Variants in DYNC2H1 observed in about 807,000 individuals in gnomAD.
DYNC2H1 encodes cytoplasmic dynein 2 heavy chain 1.
Under a neutral mutation model 570.0 loss-of-function variants are expected in DYNC2H1, and 410 were observed. That is an observed-to-expected ratio of 0.72 (90% CI 0.66 to 0.78). The LOEUF (loss-of-function observed/expected upper bound fraction) is 0.78, where lower values mean the gene tolerates loss of function less well. Ranked by LOEUF, DYNC2H1 falls within the 30% of genes least tolerant of loss-of-function variation. DYNC2H1 has a pLI of 0.00. For missense variants in DYNC2H1, 4,865 were observed against 5,046.4 expected (o/e 0.96, Z 1.09); for synonymous variants, 1,688 against 1,677.6 (o/e 1.01, Z -0.15).
chr11:103,475,716 A>T (rs1945528229), intron 88 of DYNC2H1, among the ~76,000 whole-genome samples: 1 of 152,178 alleles, frequency 6.6e-6, no homozygotes, highest in Non-Finnish European at 1.5e-5. Context: ...AACAAAGCCT[A>T]CAACTAAAAG....
chr11:103,309,919 A>C lies in DYNC2H1; in HGVS notation c.11494-1959A>C, dbSNP rs1203300088. Among the ~76,000 whole-genome samples, 7 of 152,196 alleles carry C rather than the reference A, an allele frequency of 4.6e-5. No individual in the cohort carries two copies. The East Asian group carries it at 1.3e-3, about 29-fold the overall frequency. The stretch of plus-strand genomic sequence containing the variant: ...TAAGAGGTAATTTGATTATATTTTT[A>C]TGGGAATTTCCAATTTGATTTCAAT... On this transcript the variant is annotated intron_variant, in intron 78 of 88. Transcript: ENST00000375735.
chr11:103,113,579 A>T lies in DYNC2H1; in HGVS notation c.238A>T (p.Lys80Ter). The part of the protein sequence containing the change: ...DTKDKVLVFF[K>*]LRPEVITDEN... ...AAAAGATAAAGTGCTGGTGTTTTTC[A>T]AGCTGCGACCTGAAGTAATTACTGA... Residue 80 changes from lysine to a stop codon, truncating the protein, a stop_gained, in exon 2 of 89, where the codon AAG (lysine) becomes TAG (stop). Transcript: ENST00000375735. LOFTEE classifies it high-confidence loss of function. 1 of 1,579,640 alleles carries T rather than the reference A, an allele frequency of 6.3e-7. No individual in the cohort carries two copies.
chr11:103,282,872 T>A (rs1866195363), intron 72 of DYNC2H1, 136 bp from the exon 73 acceptor site: 1 of 642,434 alleles, frequency 1.6e-6, no homozygotes, highest in Admixed American at 3.3e-5. Flanking sequence ...TGGTGACTTG[T>A]AAAATACATA....
chr11:103,163,244 T>A lies in DYNC2H1; in HGVS notation c.4611+97T>A. On this transcript the variant is annotated intron_variant, in intron 30 of 88. Coordinates refer to ENST00000375735, the MANE Select transcript of DYNC2H1 (RefSeq NM_001377.3). This position sits in a 1 kb window ranked among gnomAD's most constrained non-coding sequence, Gnocchi z 4.6. ...GCTCAGATAAATCGCATCTGTTTTC[T>A]CCCTTTATCTAACAGTTAACGGACA... 7.3e-7 allele frequency: 1 copy of A among 1,361,676 alleles called. No individual in the cohort carries two copies. Among genetic ancestry groups the A allele is most frequent in the East Asian group, 2.5e-5 (1 of 40,474 alleles). The allele number at this position is 1,361,676 out of a possible 1,614,324, so 84.3% of individuals were successfully genotyped here.
At chr11:103,469,770 C>G (rs1452072373) in intron 88 of DYNC2H1, among the ~76,000 whole-genome samples, 1 of 152,108 alleles carries the variant, frequency 6.6e-6, no homozygotes, top group African/African-American at 2.4e-5. Context: ...TTACTTCAAT[C>G]TTGCTGTTAA....
intron 80 of DYNC2H1, among the ~76,000 whole-genome samples, chr11:103,317,507 T>C (rs886455259): frequency 5.3e-5 from 8 of 152,200 alleles, no homozygotes; most frequent in African/African-American, 1.9e-4. Flanking sequence ...TCTTCCACTT[T>C]AGCACCCTTG....
chr11:103,438,120 C>T (rs565677036), intron 85 of DYNC2H1, among the ~76,000 whole-genome samples: 1 of 152,194 alleles, frequency 6.6e-6, no homozygotes, highest in Non-Finnish European at 1.5e-5. Context: ...CCATAGCTTA[C>T]CTTTCATCCT....
At chr11:103,327,146 G>A (rs1938540698) in intron 82 of DYNC2H1, among the ~76,000 whole-genome samples, 1 of 151,970 alleles carries the variant, frequency 6.6e-6, no homozygotes, top group Non-Finnish European at 1.5e-5. Flanking sequence ...TTCACCCTGA[G>A]CATCAGCGTC....
chr11:103,190,957 A>C (rs1325035303), intron 45 of DYNC2H1, among the ~76,000 whole-genome samples: 1 of 119,796 alleles, frequency 8.3e-6, no homozygotes, highest in African/African-American at 3.2e-5. Flanking sequence ...AGGGCTTTTT[A>C]GCCTTTTTTT....
At chr11:103,115,653 C>G (rs1354769588) in intron 4 of DYNC2H1, among the ~76,000 whole-genome samples, 1 of 151,982 alleles carries the variant, frequency 6.6e-6, no homozygotes, top group Non-Finnish European at 1.5e-5. Flanking sequence ...CAAAAATTAG[C>G]TGGGCGTGGT....
At chr11:103,352,312 T>C (rs1441805692) in intron 82 of DYNC2H1, among the ~76,000 whole-genome samples, 2 of 152,124 alleles carry the variant, frequency 1.3e-5, no homozygotes, top group Non-Finnish European at 2.9e-5. Flanking sequence ...CTGTGTAATT[T>C]ATAAGTTTTA....
intron 82 of DYNC2H1, among the ~76,000 whole-genome samples, chr11:103,340,387 T>C (rs1939385039): frequency 7.6e-6 from 1 of 131,864 alleles, no homozygotes; most frequent in South Asian, 2.8e-4. Flanking sequence ...ATTTTGACAT[T>C]GAGAAAATCT....
At chr11:103,468,247 G>T in intron 87 of DYNC2H1, 1 of 158,744 alleles carries the variant, frequency 6.3e-6, no homozygotes, top group Non-Finnish European at 1.4e-5. Context: ...CTCTAATTAT[G>T]CTTTTCTCCC....
At position 103,120,449 on chromosome 11, in the gene DYNC2H1, C is replaced by A; in HGVS notation, c.1002C>A (p.Val334=). The change falls in exon 7 of 89, where the codon GTC becomes GTA. Residue 334 remains valine (V), a splice_region_variant and synonymous_variant. Transcript: ENST00000375735. ...LDKLGKRLEE[V]LAIRTIHEKF... ...GTTGTTTTAATACTTCATTTTAGGTCTTGGCTATTAGAACAATTCATGAGA... is the reference window on the plus strand; with the variant it reads ...GTTGTTTTAATACTTCATTTTAGGTATTGGCTATTAGAACAATTCATGAGA... 1.2e-6 allele frequency: 2 copies of A among 1,604,180 alleles called. No homozygotes were observed. Among genetic ancestry groups the A allele is most frequent in the South Asian group, 2.2e-5 (2 of 88,892 alleles).
At chr11:103,115,552 C>G (rs2134690833) in intron 4 of DYNC2H1, among the ~76,000 whole-genome samples, 1 of 152,274 alleles carries the variant, frequency 6.6e-6, no homozygotes, top group African/African-American at 2.4e-5. Flanking sequence ...AATCCCAGCA[C>G]TTTGGGAGGC....
intron 84 of DYNC2H1, among the ~76,000 whole-genome samples, chr11:103,421,133 G>C (rs1213473892): frequency 6.6e-6 from 1 of 151,962 alleles, no homozygotes; most frequent in Non-Finnish European, 1.5e-5. Context: ...AGACAAAGAA[G>C]GACATTACAT....
At chr11:103,121,541 G>C in intron 10 of DYNC2H1, 45 bp downstream of exon 10, 1 of 1,586,170 alleles carries the variant, frequency 6.3e-7, no homozygotes, top group Non-Finnish European at 8.6e-7. Context: ...TATAAAATCT[G>C]CTAAATTAAG....
intron 65 of DYNC2H1, among the ~76,000 whole-genome samples, chr11:103,247,997 A>G (rs1043244218): frequency 6.6e-6 from 1 of 152,062 alleles, no homozygotes; most frequent in African/African-American, 2.4e-5. Flanking sequence ...AAACCTAGCC[A>G]TGTTTGTTGA....
At chr11:103,340,134 T>G (rs141482229) in intron 82 of DYNC2H1, among the ~76,000 whole-genome samples, 1 of 152,362 alleles carries the variant, frequency 6.6e-6, no homozygotes, top group Non-Finnish European at 1.5e-5. Flanking sequence ...ATACTGTGAT[T>G]GCACACCTGA....
Sources: gnomAD v4.1 joint callset for allele counts (sites outside exome capture counted in the v4.1 genomes callset) on GRCh38, gnomAD v4.1.1 for gene constraint, Gnocchi (gnomAD v3.1) non-coding constraint, MANE v1.5 for transcripts, NCBI Gene and HGNC (gene_info 2026-07-23, HGNC 2026-07-21) for gene names.